The following SLC5A5 variants were observed in gnomAD, a reference collection of about 807,000 sequenced individuals.
The protein encoded by SLC5A5 is sodium/iodide cotransporter.
Under a neutral mutation model 68.6 loss-of-function variants are expected in SLC5A5, and 56 were observed. The ratio of observed to expected loss-of-function variants is 0.82; its 90% CI spans 0.66 to 1.02. The LOEUF (loss-of-function observed/expected upper bound fraction) is 1.02. SLC5A5 is among the 50% of genes least tolerant of loss of function. The probability of loss-of-function intolerance (pLI) is 0.00; values close to 1 mark genes in which losing one functional copy is unlikely to be tolerated. For synonymous variants in SLC5A5, 398 were observed against 373.0 expected (o/e 1.07, Z -0.77); for missense variants, 807 against 859.8 (o/e 0.94, Z 0.77).
rs368396560 is a variant in SLC5A5 at position 17,872,493 on chromosome 19, C to G, written c.174C>G (p.Pro58=). ...FTGGRRLAAL[P]VGLSLSASFM... is the part of the protein sequence containing the mutation. ...GGGGCCGGCGCCTGGCGGCCCTGCC[C>G]GTGGGCCTGTCGCTGTCTGCCAGCT... The change falls in exon 1 of 15, where the codon CCC becomes CCG. Residue 58 remains proline (P), a synonymous_variant. Transcript: ENST00000222248. 2 of 1,612,440 alleles carry G rather than the reference C, an allele frequency of 1.2e-6. No homozygotes were observed. Among genetic ancestry groups the G allele is most frequent in the Non-Finnish European group, 1.7e-6 (2 of 1,179,768 alleles).
rs1227124797 is a variant in SLC5A5 at position 17,872,121 on chromosome 19, C to G, written c.-199C>G. The G allele has an allele frequency of 1.7e-6, 1 of 580,668 alleles. No individual in the cohort carries two copies. Among genetic ancestry groups the G allele is most frequent in the Non-Finnish European group, 3.1e-6 (1 of 327,584 alleles). The allele number at this position is 580,668 out of a possible 1,614,324, so 36.0% of individuals were successfully genotyped here. A position where few individuals can be genotyped will look rare whatever the true frequency, so the allele number is the denominator to read the frequency against. ...GACAGCGGGGACAGGGAGGCCGACA[C>G]GGACATCGACAGCCCATAGATTCCT... On this transcript the variant is annotated 5_prime_UTR_variant, in exon 1 of 15. Transcript: ENST00000222248.
chr19:17,886,101 T>G (rs2029907883), intron 12 of SLC5A5, among the ~76,000 whole-genome samples: 1 of 151,918 alleles, frequency 6.6e-6, no homozygotes, highest in African/African-American at 2.4e-5. Context: ...CCTCAGGAGA[T>G]CCACACATCT....
intron 7 of SLC5A5, among the ~76,000 whole-genome samples, chr19:17,879,390 C>G (rs1158623583): frequency 2.0e-5 from 3 of 152,182 alleles, no homozygotes; most frequent in Non-Finnish European, 4.4e-5. Flanking sequence ...ATAATAATGA[C>G]AGCTCTGGTC....
chr19:17,875,328 C>T (rs1445211282), intron 4 of SLC5A5, among the ~76,000 whole-genome samples: 1 of 151,798 alleles, frequency 6.6e-6, no homozygotes, highest in South Asian at 2.1e-4. Context: ...GGAGATTGCG[C>T]CATTGCACTC....
chr19:17,894,072 C>A lies in SLC5A5; in HGVS notation c.*195C>A. On this transcript the variant is annotated 3_prime_UTR_variant, in exon 15 of 15. Coordinates refer to ENST00000222248, the MANE Select transcript of SLC5A5 (RefSeq NM_000453.3). Reference sequence around the variant, plus strand: ...ATTTTTTAAATCCAGCCCCTTGCTTCAACCGTCCCCAGTATTAGACGCTGC... The same window carrying A: ...ATTTTTTAAATCCAGCCCCTTGCTTAAACCGTCCCCAGTATTAGACGCTGC... The A allele has an allele frequency of 3.4e-6, 2 of 593,106 alleles. No homozygotes were observed. Among genetic ancestry groups the A allele is most frequent in the Non-Finnish European group, 3.0e-6 (1 of 333,524 alleles). 36.7% of individuals were successfully genotyped at this position (593,106 alleles called of 1,614,324 possible). A position where few individuals can be genotyped will look rare whatever the true frequency, so the allele number is the denominator to read the frequency against.
chr19:17,872,288 C>G lies in SLC5A5; in HGVS notation c.-32C>G, dbSNP rs765568638. On this transcript the variant is annotated 5_prime_UTR_variant, in exon 1 of 15. Transcript: ENST00000222248. ...CCCCCGCTTGAGCACGCAGGGCGTC[C>G]GAGGACGCGCTGGGCCTCCGCACCC... is the stretch of plus-strand genomic sequence containing the variant. 2.0e-6 allele frequency: 3 copies of G among 1,512,148 alleles called. No individual in the cohort carries two copies. Among genetic ancestry groups the G allele is most frequent in the South Asian group, 2.4e-5 (2 of 84,316 alleles). 93.7% of individuals were successfully genotyped at this position (1,512,148 alleles called of 1,614,324 possible).
At chr19:17,892,292 C>A (rs566280221) in intron 14 of SLC5A5, among the ~76,000 whole-genome samples, 2 of 143,118 alleles carry the variant, frequency 1.4e-5, no homozygotes, top group South Asian at 4.7e-4. Context: ...AGCAAGACTT[C>A]GTCAAAAAGA....
intron 12 of SLC5A5, among the ~76,000 whole-genome samples, chr19:17,886,936 A>G (rs1189242028): frequency 6.6e-6 from 1 of 152,110 alleles, no homozygotes; most frequent in Non-Finnish European, 1.5e-5. Flanking sequence ...TTAGCTGGGC[A>G]TGGTGGTGCA....
intron 4 of SLC5A5, among the ~76,000 whole-genome samples, chr19:17,875,635 C>T (rs2094305184): frequency 6.9e-6 from 1 of 144,502 alleles, no homozygotes; most frequent in African/African-American, 2.6e-5. Context: ...TTAAATTAGT[C>T]GGGCATGGTG....
chr19:17,881,667 G>A (rs768160280), intron 8 of SLC5A5, among the ~76,000 whole-genome samples: 2 of 152,212 alleles, frequency 1.3e-5, no homozygotes, highest in Non-Finnish European at 2.9e-5. Flanking sequence ...ACTCTTCCGG[G>A]ACTTCTGGTC....
At chr19:17,892,652 C>CAGAGAG (rs58081153) in intron 14 of SLC5A5, among the ~76,000 whole-genome samples, 7,497 of 97,280 alleles carry the variant, frequency 0.077, 697 homozygotes, top group Non-Finnish European at 0.096. Flanking sequence ...AAAGAAAAGA[C>CAGAGAG]AGAGAGAGAG....
rs149937279 is a variant in SLC5A5, at chr19:17,890,914, G to C, written c.1680G>C (p.Pro560=). The change falls in exon 14 of 15, where the codon CCG becomes CCC. Residue 560 remains proline (P), a synonymous_variant. Transcript: ENST00000222248. ...TGPTKRSTLA[P]GLLWWDLARQ... is the part of the protein sequence containing the mutation. Reference sequence around the variant, plus strand: ...CCACCAAGCGCAGCACCCTGGCCCCGGGATTGTTGTGGTGGGACCTCGCAC... The same window carrying C: ...CCACCAAGCGCAGCACCCTGGCCCCCGGATTGTTGTGGTGGGACCTCGCAC... The C allele has an allele frequency of 1.9e-5, 30 of 1,613,892 alleles. No homozygotes were observed. Among genetic ancestry groups the C allele is most frequent in the Middle Eastern group, 1.7e-4 (1 of 6,048 alleles).
rs750979304 is a variant in SLC5A5 at position 17,882,092 on chromosome 19, G to T, written c.1171+20G>T. On this transcript the variant is annotated intron_variant, in intron 9 of 14. Transcript: ENST00000222248. ...GGCTCTGTGAGTTTCAGGGAGACCT[G>T]GGTGGGAGGCCAGGGCAGTCCCTCC... The T allele has an allele frequency of 1.9e-6, 3 of 1,611,588 alleles. No individual in the cohort carries two copies. The highest frequency in any genetic ancestry group is 2.5e-6 in the Non-Finnish European group (3 of 1,177,654).
At chr19:17,889,115 G>A (rs1041133088) in intron 13 of SLC5A5, among the ~76,000 whole-genome samples, 3 of 151,876 alleles carry the variant, frequency 2.0e-5, no homozygotes, top group African/African-American at 7.3e-5. Flanking sequence ...GGACGGGGTC[G>A]ACTGGGCGTA....
Position 17,874,239 on chromosome 19 carries a change from C to A in SLC5A5, c.423+36C>A, listed in dbSNP as rs376213747. On this transcript the variant is annotated intron_variant, in intron 2 of 14. Transcript: ENST00000222248. ...TCGGCCCCGCCCTCCGCTCAGGGCC[C>A]CGAGAGCGTCAGCCTTCACTAGCCC... is the stretch of plus-strand genomic sequence containing the variant. 7.9e-5 allele frequency: 117 copies of A among 1,471,926 alleles called. No homozygotes were observed. In the African/African-American group the frequency reaches 1.2e-3, roughly 16 times the overall value. 91.2% of individuals were successfully genotyped at this position (1,471,926 alleles called of 1,614,324 possible).
At position 17,893,277 on chromosome 19, in the gene SLC5A5, A is replaced by T. The variant is rs2030270253; in HGVS notation, c.1768-436A>T. Among the ~76,000 whole-genome samples the T allele has an allele frequency of 2.0e-5, 3 of 150,626 alleles. No homozygotes were observed. The South Asian group carries it at 6.3e-4, about 32-fold the overall frequency. On this transcript the variant is annotated intron_variant, in intron 14 of 14. Coordinates refer to ENST00000222248, the MANE Select transcript of SLC5A5 (RefSeq NM_000453.3). ...ACCACCGAGTCTGGTTAATTTTTTT[A>T]TTTTTGGTAGAGATGGGGTTTTGCC...
chr19:17,874,775 A>G, intron 4 of SLC5A5, 44 bp downstream of exon 4: 1 of 1,588,498 alleles, frequency 6.3e-7, no homozygotes, highest in Non-Finnish European at 8.6e-7. Flanking sequence ...GATCGGGCCC[A>G]CTGTGTCTCT....
chr19:17,876,946 G>A lies in SLC5A5; in HGVS notation c.699-777G>A, dbSNP rs183923566. Among the ~76,000 whole-genome samples, 22 of 151,780 alleles carry A rather than the reference G, an allele frequency of 1.4e-4. No individual in the cohort carries two copies. The East Asian group carries it at 2.3e-3, about 16-fold the overall frequency. On this transcript the variant is annotated intron_variant, in intron 5 of 14. Coordinates refer to ENST00000222248, the MANE Select transcript of SLC5A5 (RefSeq NM_000453.3). The stretch of plus-strand genomic sequence containing the variant: ...TCGGGGAGGCTGAGGCAGGAGAATC[G>A]CTTGAACCCAGGAGGCGGAGGCTGC...
chr19:17,883,534 C>T (rs2094325842), intron 10 of SLC5A5, 147 bp from the exon 11 acceptor site: 3 of 738,988 alleles, frequency 4.1e-6, no homozygotes, highest in Non-Finnish European at 7.3e-6. Context: ...GGGGGGGGGT[C>T]CTCTCCCCTT....
Sources: gnomAD v4.1 joint callset for allele counts (sites outside exome capture counted in the v4.1 genomes callset) on GRCh38, gnomAD v4.1.1 for gene constraint, MANE v1.5 for transcripts, NCBI Gene and HGNC (gene_info 2026-07-23, HGNC 2026-07-21) for gene names.